The following TENM2 variants were observed in gnomAD, a reference collection of about 807,000 sequenced individuals.
TENM2 encodes the protein teneurin-2.
Under a neutral mutation model 245.2 loss-of-function variants are expected in TENM2, and 52 were observed. The ratio of observed to expected loss-of-function variants is 0.21; its 90% CI spans 0.17 to 0.27. The LOEUF (loss-of-function observed/expected upper bound fraction) is 0.27. Ranked by LOEUF, TENM2 falls within the 10% of genes least tolerant of loss-of-function variation. The probability of loss-of-function intolerance (pLI) is 1.00; values close to 1 mark genes in which losing one functional copy is unlikely to be tolerated. For synonymous variants in TENM2, 1,363 were observed against 1,438.9 expected (o/e 0.95, Z 1.19); for missense variants, 3,046 against 3,666.8 (o/e 0.83, Z 4.37).
intron 2 of TENM2, among the ~76,000 whole-genome samples, chr5:167,613,410 G>A (rs925952679): frequency 5.3e-5 from 8 of 152,190 alleles, no homozygotes; most frequent in East Asian, 1.9e-4. Flanking sequence ...TATCTTGCTC[G>A]TTTACCAGTG....
chr5:167,215,070 A>G, the TENM2 span, among the ~76,000 whole-genome samples: 3 of 152,152 alleles, frequency 2.0e-5, no homozygotes, highest in East Asian at 5.8e-4. Context: ...TGCCTTCCCT[A>G]GAAATTTTCT....
At chr5:167,922,503 C>G (rs115440234) in intron 3 of TENM2, among the ~76,000 whole-genome samples, 2,661 of 152,296 alleles carry the variant, frequency 0.017, 86 homozygotes, top group African/African-American at 0.059. Context: ...AAGCAACAAG[C>G]CCAGGGAAAG....
the TENM2 span, among the ~76,000 whole-genome samples, chr5:167,126,260 T>A: frequency 6.6e-6 from 1 of 152,122 alleles, no homozygotes; most frequent in Non-Finnish European, 1.5e-5. Context: ...TATGAATAGA[T>A]GATTGGGCAT....
At chr5:167,102,644 G>GTTTGT in the TENM2 span, among the ~76,000 whole-genome samples, 8 of 152,114 alleles carry the variant, frequency 5.3e-5, no homozygotes, top group East Asian at 3.9e-4. Context: ...ACTTCACACA[G>GTTTGT]TTTGTTTTGT....
intron 1 of TENM2, among the ~76,000 whole-genome samples, chr5:167,362,122 C>G (rs1453753710): frequency 6.6e-6 from 1 of 152,150 alleles, no homozygotes; most frequent in Non-Finnish European, 1.5e-5. Context: ...TATTTGTAAC[C>G]TACGACATGT....
intron 2 of TENM2, among the ~76,000 whole-genome samples, chr5:167,459,735 C>A (rs1326609237): frequency 6.6e-6 from 1 of 152,086 alleles, no homozygotes; most frequent in Non-Finnish European, 1.5e-5. Flanking sequence ...TGTGCAGTGA[C>A]AAATTTTCTT....
At chr5:167,568,617 T>C (rs912841608) in intron 2 of TENM2, among the ~76,000 whole-genome samples, 6 of 151,700 alleles carry the variant, frequency 4.0e-5, no homozygotes, top group African/African-American at 1.2e-4. Flanking sequence ...CTATTGTTTT[T>C]CATTTGTGCA....
intron 1 of TENM2, among the ~76,000 whole-genome samples, chr5:167,363,730 C>CAAAAAAAAAAAAAAAAAAAA (rs10659741): frequency 4.5e-5 from 4 of 89,306 alleles, no homozygotes; most frequent in South Asian, 4.7e-4. Flanking sequence ...GACTCCATCT[C>CAAAAAAAAAAAAAAAAAAAA]AAAAAAAAAA....
At chr5:167,762,151 A>G (rs2150714725) in intron 2 of TENM2, among the ~76,000 whole-genome samples, 1 of 151,832 alleles carries the variant, frequency 6.6e-6, no homozygotes, top group East Asian at 1.9e-4. Context: ...TCTCTCTCTC[A>G]TGCATACATG....
chr5:167,735,393 G>A (rs1179626808), intron 2 of TENM2, among the ~76,000 whole-genome samples: 4 of 152,214 alleles, frequency 2.6e-5, no homozygotes, highest in Non-Finnish European at 5.9e-5. Context: ...CTTTGTGTTA[G>A]TATGAGAAAA....
At chr5:167,134,336 C>A in the TENM2 span, among the ~76,000 whole-genome samples, 1 of 152,270 alleles carries the variant, frequency 6.6e-6, no homozygotes, top group Admixed American at 6.5e-5. Flanking sequence ...GGCGACATCA[C>A]TTTATACAAT....
At chr5:167,854,198 A>G (rs867818587) in intron 2 of TENM2, among the ~76,000 whole-genome samples, 1 of 152,224 alleles carries the variant, frequency 6.6e-6, no homozygotes, top group East Asian at 1.9e-4. Flanking sequence ...CACAAATAAC[A>G]TATTCTGTAA....
intron 2 of TENM2, among the ~76,000 whole-genome samples, chr5:167,423,055 GAA>G (rs954894417): frequency 5.9e-5 from 9 of 151,768 alleles, no homozygotes; most frequent in Admixed American, 5.9e-4. Flanking sequence ...CGACTAAGAA[GAA>G]AAAGTCACCC....
chr5:167,620,084 A>G (rs745902296), intron 2 of TENM2, among the ~76,000 whole-genome samples: 1 of 152,146 alleles, frequency 6.6e-6, no homozygotes, highest in African/African-American at 2.4e-5. Flanking sequence ...GAGTCAATAA[A>G]TGCCTGTTAA....
intron 2 of TENM2, among the ~76,000 whole-genome samples, chr5:167,628,925 C>G (rs545422663): frequency 6.6e-6 from 1 of 152,246 alleles, no homozygotes; most frequent in African/African-American, 2.4e-5. Flanking sequence ...ACATTGGCAA[C>G]CACCTAAAAG....
chr5:167,829,541 A>G (rs1768284562), intron 2 of TENM2, among the ~76,000 whole-genome samples: 1 of 152,248 alleles, frequency 6.6e-6, no homozygotes, highest in African/African-American at 2.4e-5. Flanking sequence ...TTCCAGTTTA[A>G]GAAGCCCTGG....
chr5:167,913,194 C>G (rs1776682889), intron 3 of TENM2, among the ~76,000 whole-genome samples: 1 of 152,194 alleles, frequency 6.6e-6, no homozygotes, highest in Non-Finnish European at 1.5e-5. Context: ...ATCCACCTGC[C>G]TCTTCTCCTA....
chr5:167,987,326 C>G (rs918761834), intron 4 of TENM2, among the ~76,000 whole-genome samples: 1 of 151,174 alleles, frequency 6.6e-6, no homozygotes, highest in Non-Finnish European at 1.5e-5. Flanking sequence ...GGAGCTTCTT[C>G]GCTTCCTTTT....
At chr5:167,149,872 G>A in the TENM2 span, among the ~76,000 whole-genome samples, 699 of 152,212 alleles carry the variant, frequency 4.6e-3, 4 homozygotes, top group Non-Finnish European at 7.9e-3. Context: ...AGGCTTGTGA[G>A]TATCTTGAGG....
Sources: allele counts gnomAD v4.1 joint callset (sites outside exome capture counted in the v4.1 genomes callset), GRCh38; gene constraint gnomAD v4.1.1; transcripts MANE v1.5; gene names NCBI Gene and HGNC (gene_info 2026-07-23, HGNC 2026-07-21).